Variants in SPTAN1 observed in about 807,000 individuals in gnomAD.
SPTAN1 encodes spectrin alpha, non-erythrocytic 1, also known as spectrin alpha chain, non-erythrocytic 1.
A neutral mutation model predicts 331.3 loss-of-function variants in SPTAN1; 61 were observed. The ratio of observed to expected loss-of-function variants is 0.18; its 90% CI spans 0.15 to 0.23. The LOEUF (loss-of-function observed/expected upper bound fraction) is 0.23. Ranked by LOEUF, SPTAN1 falls within the 10% of genes least tolerant of loss-of-function variation. SPTAN1 has a pLI of 1.00. For missense variants in SPTAN1, 2,043 were observed against 3,147.9 expected (o/e 0.65, Z 8.40); for synonymous variants, 1,153 against 1,173.9 (o/e 0.98, Z 0.36).
At chr9:128,613,359 C>T in intron 39 of SPTAN1, 22 bp from the exon 40 acceptor site, 2 of 1,602,954 alleles carry the variant, frequency 1.2e-6, no homozygotes, top group Non-Finnish European at 1.7e-6. Context: ...GTAGCCTTTG[C>T]TTTTTGTGTT....
intron 12 of SPTAN1, 68 bp from the exon 13 acceptor site, chr9:128,582,411 C>G: frequency 2.8e-6 from 4 of 1,423,286 alleles, no homozygotes; most frequent in Non-Finnish European, 4.0e-6. Context: ...TCAGCAGTTA[C>G]TTTTCTCCAG....
intron 24 of SPTAN1, among the ~76,000 whole-genome samples, chr9:128,597,531 C>CA (rs370479127): frequency 3.3e-5 from 5 of 152,074 alleles, no homozygotes; most frequent in African/African-American, 9.7e-5. Context: ...CCAAAAAAGA[C>CA]AAAAAACTAC....
chr9:128,583,073 A>T lies in SPTAN1; in HGVS notation c.1807-4A>T. The T allele has an allele frequency of 6.2e-7, 1 of 1,614,076 alleles. No homozygotes were observed. Among genetic ancestry groups the T allele is most frequent in the Non-Finnish European group, 8.5e-7 (1 of 1,180,024 alleles). On this transcript the variant is annotated splice_polypyrimidine_tract_variant and splice_region_variant and intron_variant, in intron 14 of 56. Transcript: ENST00000372739. ...TAGAAAGAACCCCCTTCTTTTATTCACAGGATCCATCCAACCTACAAGGAA... is the reference window on the plus strand; with the variant it reads ...TAGAAAGAACCCCCTTCTTTTATTCTCAGGATCCATCCAACCTACAAGGAA...
intron 31 of SPTAN1, 27 bp from the exon 32 acceptor site, chr9:128,607,577 C>T (rs748748920): frequency 6.3e-7 from 1 of 1,574,994 alleles, no homozygotes; most frequent in Middle Eastern, 1.7e-4. Flanking sequence ...AATATAATAG[C>T]TATTTTTCTG....
chr9:128,625,726 TC>T lies in SPTAN1; in HGVS notation c.6070-41del, dbSNP rs765272010. Reference sequence around the variant, plus strand: ...TGAGCCTAGGAAGAGCAAGTTCCAGTCCTGTGGAGTCACCACAAATTGGCTT... The same window carrying T: ...TGAGCCTAGGAAGAGCAAGTTCCAGTCTGTGGAGTCACCACAAATTGGCTT... On this transcript the variant is annotated intron_variant, in intron 47 of 56. Coordinates refer to ENST00000372739, the MANE Select transcript of SPTAN1 (RefSeq NM_001130438.3). This position sits in a 1 kb window ranked among gnomAD's most constrained non-coding sequence, Gnocchi z 4.1. 115 of 1,583,996 alleles carry T rather than the reference TC, an allele frequency of 7.3e-5. No individual in the cohort carries two copies. Among genetic ancestry groups the T allele is most frequent in the Non-Finnish European group, 9.4e-5 (109 of 1,155,008 alleles).
Position 128,577,510 on chromosome 9 carries a change from C to T in SPTAN1, c.1085+4C>T, listed in dbSNP as rs778684585. 8 of 1,613,472 alleles carry T rather than the reference C, an allele frequency of 5.0e-6. No individual in the cohort carries two copies. In the Admixed American group the frequency reaches 1.0e-4, roughly 20 times the overall value. ...CACGGCTCAATGATTCATACAGGTG[C>T]AAATAATGCTCCAGGTCTTAACCAG... On this transcript the variant is annotated splice_donor_region_variant and intron_variant, in intron 8 of 56. Coordinates refer to ENST00000372739, the MANE Select transcript of SPTAN1 (RefSeq NM_001130438.3). The surrounding 1 kb of genome is among the most constrained non-coding windows in gnomAD (Gnocchi z 4.2).
In SPTAN1 at chr9:128,633,610, T is replaced by C. The variant is rs1860197010; in HGVS notation, c.*276T>C. 19 of 1,170,574 alleles carry C rather than the reference T, an allele frequency of 1.6e-5. No individual in the cohort carries two copies. The South Asian group carries it at 2.4e-4, about 15-fold the overall frequency. 72.5% of individuals were successfully genotyped at this position (1,170,574 alleles called of 1,614,324 possible). A position where few individuals can be genotyped will look rare whatever the true frequency, so the allele number is the denominator to read the frequency against. On this transcript the variant is annotated 3_prime_UTR_variant, in exon 57 of 57. Transcript: ENST00000372739. ...CCTCCCCTTGTTCTCTCTCCCACCC[T>C]CCCCCAAATCTGTTTTCATGTAAAA... is the stretch of plus-strand genomic sequence containing the variant.
At chr9:128,607,460 C>T in intron 31 of SPTAN1, 144 bp from the exon 32 acceptor site, 1 of 738,876 alleles carries the variant, frequency 1.4e-6, no homozygotes, top group South Asian at 1.7e-5. Flanking sequence ...AACACTTTGC[C>T]CAAAGACCTA....
chr9:128,606,381 A>AAAAAAAC lies in SPTAN1; in HGVS notation c.4046+910_4046+911insCAAAAAA, dbSNP rs1426949934. 3.5e-5 allele frequency among the ~76,000 whole-genome samples: 5 copies of AAAAAAAC among 142,636 alleles called. 1 individual carries two copies. Among genetic ancestry groups the AAAAAAAC allele is most frequent in the African/African-American group, 1.2e-4 (4 of 33,634 alleles). The allele number at this position is 142,636 out of a possible 152,430, so 93.6% of individuals were successfully genotyped here. A position where few individuals can be genotyped will look rare whatever the true frequency, so the allele number is the denominator to read the frequency against. ...TGGAGCAAGACTCTGCCTCAAAAAA[A>AAAAAAAC]AAAAAAAAAAACAAGTCTCTACTTT... is the stretch of plus-strand genomic sequence containing the variant. On this transcript the variant is annotated intron_variant, in intron 31 of 56. Coordinates refer to ENST00000372739, the MANE Select transcript of SPTAN1 (RefSeq NM_001130438.3).
Position 128,577,432 on chromosome 9 carries a change from G to A in SPTAN1, c.1011G>A (p.Glu337=), listed in dbSNP as rs376280897. The change falls in exon 8 of 57, where the codon GAG becomes GAA. Residue 337 remains glutamate, a synonymous_variant. Transcript: ENST00000372739. This position sits in a 1 kb window ranked among gnomAD's most constrained non-coding sequence, Gnocchi z 4.2. ...CAACACAGATTCAAGTGAAGCGAGAGGAACTGATTACAAACTGGGAGCAGA... is the reference window on the plus strand; with the variant it reads ...CAACACAGATTCAAGTGAAGCGAGAAGAACTGATTACAAACTGGGAGCAGA... ...LSATQIQVKR[E]ELITNWEQIR... 33 of 1,614,102 alleles carry A rather than the reference G, an allele frequency of 2.0e-5. No homozygotes were observed. The African/African-American group carries it at 3.6e-4, about 18-fold the overall frequency.
intron 1 of SPTAN1, among the ~76,000 whole-genome samples, chr9:128,560,627 C>T (rs1035281360): frequency 1.3e-4 from 1 of 7,688 alleles, no homozygotes; most frequent in Non-Finnish European, 9.1e-3. Flanking sequence ...GTGATCTGCC[C>T]GCCTCGCCTC....
At chr9:128,630,429 C>T in intron 52 of SPTAN1, 54 bp downstream of exon 52, 1 of 1,576,694 alleles carries the variant, frequency 6.3e-7, no homozygotes, top group Non-Finnish European at 8.7e-7. Context: ...AGCCACCCCC[C>T]AGGGTACCCC....
At chr9:128,616,078 T>C (rs1318661180) in intron 41 of SPTAN1, among the ~76,000 whole-genome samples, 1 of 152,120 alleles carries the variant, frequency 6.6e-6, no homozygotes, top group Non-Finnish European at 1.5e-5. Flanking sequence ...GCCTTTTAGA[T>C]TCCCGTGAAA....
chr9:128,575,541 C>T (rs1305670479), intron 5 of SPTAN1, among the ~76,000 whole-genome samples, 196 bp downstream of exon 5: 1 of 152,168 alleles, frequency 6.6e-6, no homozygotes, highest in Non-Finnish European at 1.5e-5. Context: ...AATGTGTTGC[C>T]TTGGGCAGGA....
intron 22 of SPTAN1, among the ~76,000 whole-genome samples, chr9:128,592,602 T>C (rs547879640): frequency 6.1e-4 from 93 of 152,272 alleles, no homozygotes; most frequent in African/African-American, 2.2e-3. Flanking sequence ...GTAGTCTGGG[T>C]CATAAATATA....
Position 128,621,626 on chromosome 9 carries a change from C to T in SPTAN1, c.5832+370C>T, listed in dbSNP as rs1304587662. 8.6e-6 allele frequency: 3 copies of T among 348,600 alleles called. No homozygotes were observed. In the Admixed American group the frequency reaches 1.2e-4, roughly 14 times the overall value. The allele number at this position is 348,600 out of a possible 1,614,324, so 21.6% of individuals were successfully genotyped here. A position where few individuals can be genotyped will look rare whatever the true frequency, so the allele number is the denominator to read the frequency against. Reference sequence around the variant, plus strand: ...CCCACCCTGACACCACACATTAGATCTTTGTGTCTGACCTGCCAGACCTTT... The same window carrying T: ...CCCACCCTGACACCACACATTAGATTTTTGTGTCTGACCTGCCAGACCTTT... On this transcript the variant is annotated intron_variant, in intron 45 of 56. Coordinates refer to ENST00000372739, the MANE Select transcript of SPTAN1 (RefSeq NM_001130438.3).
chr9:128,608,778 A>G (rs1479789022), intron 34 of SPTAN1, 96 bp from the exon 35 acceptor site: 2 of 1,184,632 alleles, frequency 1.7e-6, no homozygotes, highest in Non-Finnish European at 2.5e-6. Flanking sequence ...GCTAGTTCTC[A>G]GTCACCCAAA....
rs142114177 is a variant in SPTAN1, at chr9:128,612,796, C to T, written c.5043+550C>T. Among the ~76,000 whole-genome samples the T allele has an allele frequency of 2.8e-3, 432 of 152,144 alleles. 10 individuals are homozygous for T. In the East Asian group the frequency reaches 0.041, roughly 14 times the overall value. ...CAAAAATTAGCCAGGCGTGGTGGCA[C>T]GCTCCTGTAATCCCAGCTACTCAGG... On this transcript the variant is annotated intron_variant, in intron 39 of 56. Transcript: ENST00000372739.
chr9:128,605,600 T>C, intron 31 of SPTAN1, 123 bp downstream of exon 31: 1 of 1,305,534 alleles, frequency 7.7e-7, no homozygotes, highest in East Asian at 2.5e-5. Flanking sequence ...TCCAAGCACT[T>C]TGGGGGGCCA....
Sources: allele counts gnomAD v4.1 joint callset (sites outside exome capture counted in the v4.1 genomes callset), GRCh38; gene constraint gnomAD v4.1.1; non-coding constraint Gnocchi (gnomAD v3.1); transcripts MANE v1.5; gene names NCBI Gene and HGNC (gene_info 2026-07-23, HGNC 2026-07-21).